NAV1: variants seen among roughly 807,000 people sequenced by gnomAD.
The protein encoded by NAV1 is neuron navigator 1, also known as pore membrane and/or filament interacting like protein 3.
Under a neutral mutation model 175.2 loss-of-function variants are expected in NAV1, and 18 were observed. The ratio of observed to expected loss-of-function variants is 0.10; its 90% CI spans 0.07 to 0.15. NAV1 has a LOEUF of 0.15. NAV1 is among the 10% of genes least tolerant of loss of function. The pLI, the probability that NAV1 is intolerant of heterozygous loss-of-function variation, is 1.00. For missense variants in NAV1, 1,731 were observed against 2,436.6 expected (o/e 0.71, Z 6.10); for synonymous variants, 897 against 978.7 (o/e 0.92, Z 1.56).
chr1:201,632,332 T>C (rs1668500614), intron 2 of NAV1, among the ~76,000 whole-genome samples: 1 of 152,266 alleles, frequency 6.6e-6, no homozygotes, highest in East Asian at 1.9e-4. Context: ...CTGCTCCTTC[T>C]GCCTCTGCCC....
chr1:201,602,739 T>C (rs1667561066), intron 2 of NAV1, among the ~76,000 whole-genome samples: 1 of 151,184 alleles, frequency 6.6e-6, no homozygotes, highest in Admixed American at 6.6e-5. Flanking sequence ...CTGCACCCCT[T>C]GAGAGCTGCT....
At chr1:201,720,911 G>C (rs1439803084) in intron 3 of NAV1, among the ~76,000 whole-genome samples, 2 of 152,082 alleles carry the variant, frequency 1.3e-5, no homozygotes, top group Non-Finnish European at 2.9e-5. Flanking sequence ...AGCAAAGACA[G>C]ATCTAGTAGC....
In NAV1 at chr1:201,807,328, T is replaced by G. The variant is rs970360107; in HGVS notation, c.3649-625T>G. 6.6e-6 allele frequency among the ~76,000 whole-genome samples: 1 copy of G among 152,198 alleles called. No homozygotes were observed. The highest frequency in any genetic ancestry group is 2.4e-5 in the African/African-American group (1 of 41,454). ...GGCACAAGAAATACTAAAAGAAGCT[T>G]GAGCCCACTGCCTTCTCGTGTTCTC... On this transcript the variant is annotated intron_variant, in intron 17 of 29. Transcript: ENST00000367296. This position sits in a 1 kb window ranked among gnomAD's most constrained non-coding sequence, Gnocchi z 5.4.
At chr1:201,603,339 G>A (rs946197154) in intron 2 of NAV1, among the ~76,000 whole-genome samples, 4 of 152,150 alleles carry the variant, frequency 2.6e-5, no homozygotes, top group African/African-American at 9.7e-5. Flanking sequence ...TGACTCTCAT[G>A]TTCTGAAAGG....
chr1:201,664,369 T>C (rs903440030), intron 1 of NAV1, among the ~76,000 whole-genome samples: 17 of 152,134 alleles, frequency 1.1e-4, no homozygotes, highest in African/African-American at 3.9e-4. Flanking sequence ...AATCAAATCC[T>C]GGCTCTATAT....
exon 2 of NAV1, chr1:201,712,886 T>C: frequency 1.2e-6 from 2 of 1,613,912 alleles, no homozygotes; most frequent in Non-Finnish European, 1.7e-6. Context: ...GAAGAGACCA[T>C]GTCCAGCCTG....
chr1:201,707,279 A>G (rs1241062063), intron 1 of NAV1, among the ~76,000 whole-genome samples: 1 of 152,198 alleles, frequency 6.6e-6, no homozygotes, highest in Non-Finnish European at 1.5e-5. Context: ...CCTCAGTGCC[A>G]GCCCGAGGGT....
chr1:201,543,157 A>G (rs1052030902), intron 1 of NAV1, among the ~76,000 whole-genome samples: 3 of 152,184 alleles, frequency 2.0e-5, no homozygotes, highest in African/African-American at 7.2e-5. Context: ...AACTTTCAGT[A>G]TAATGTTGAG....
At chr1:201,733,193 AC>A (rs1672943181) in intron 3 of NAV1, among the ~76,000 whole-genome samples, 1 of 152,002 alleles carries the variant, frequency 6.6e-6, no homozygotes, top group African/African-American at 2.4e-5. Context: ...ATCCTGGCCA[AC>A]ATGGTGAAAC....
At chr1:201,695,124 C>A (rs371761445) in intron 1 of NAV1, among the ~76,000 whole-genome samples, 26 of 152,252 alleles carry the variant, frequency 1.7e-4, no homozygotes, top group Non-Finnish European at 3.4e-4. Flanking sequence ...TAAGTTGCCC[C>A]GGGACCAGCC....
At chr1:201,576,417 AT>A (rs2102183598) in intron 1 of NAV1, among the ~76,000 whole-genome samples, 1 of 152,280 alleles carries the variant, frequency 6.6e-6, no homozygotes, top group African/African-American at 2.4e-5. Context: ...ATTGAAAGAC[AT>A]GGGTTGTCTC....
Position 201,808,739 on chromosome 1 carries a change from C to T in NAV1, c.4075C>T (p.Leu1359=). The change falls in exon 20 of 30, where the codon CTG becomes TTG. Residue 1359 remains leucine, a synonymous_variant. Transcript: ENST00000367296. The surrounding 1 kb of genome is among the most constrained non-coding windows in gnomAD (Gnocchi z 5.5). ...CCTGCTGAAAGCAGAGAATGACCGA[C>T]TGAAGGTAGCCCCAGGCCCCTCATC... The T allele has an allele frequency of 1.2e-6, 2 of 1,614,240 alleles. No homozygotes were observed. The highest frequency in any genetic ancestry group is 1.7e-6 in the Non-Finnish European group (2 of 1,180,048).
rs1387313707 is a variant in NAV1, at chr1:201,813,036, T to C, written c.5222-104T>C. ...GACAACTCTAAATTTCCTTTAATCC[T>C]TTGACTGTCAGACCCCTCTGCCTGG... On this transcript the variant is annotated intron_variant, in intron 27 of 29. Transcript: ENST00000367296. This position sits in a 1 kb window ranked among gnomAD's most constrained non-coding sequence, Gnocchi z 4.2. 6 of 818,084 alleles carry C rather than the reference T, an allele frequency of 7.3e-6. No individual in the cohort carries two copies. Among genetic ancestry groups the C allele is most frequent in the Non-Finnish European group, 1.2e-5 (6 of 501,500 alleles). 50.7% of individuals were successfully genotyped at this position (818,084 alleles called of 1,614,324 possible). A position where few individuals can be genotyped will look rare whatever the true frequency, so the allele number is the denominator to read the frequency against.
chr1:201,659,476 T>TG (rs1197824344), intron 1 of NAV1, among the ~76,000 whole-genome samples: 1 of 152,118 alleles, frequency 6.6e-6, no homozygotes, highest in East Asian at 1.9e-4. Context: ...AAAAATTATC[T>TG]GGGCATGGTG....
intron 2 of NAV1, among the ~76,000 whole-genome samples, chr1:201,610,381 T>TTC (rs955680189): frequency 1.3e-4 from 20 of 152,306 alleles, no homozygotes; most frequent in African/African-American, 4.6e-4. Flanking sequence ...CAAAATTCAC[T>TTC]TCTCTCTCAG....
At chr1:201,703,160 G>A (rs1420563817) in intron 1 of NAV1, among the ~76,000 whole-genome samples, 1 of 152,160 alleles carries the variant, frequency 6.6e-6, no homozygotes, top group Non-Finnish European at 1.5e-5. Context: ...CAGCAGCAGT[G>A]ACTTCTTTGG....
chr1:201,603,244 G>A (rs947983363), intron 2 of NAV1, among the ~76,000 whole-genome samples: 2 of 152,134 alleles, frequency 1.3e-5, no homozygotes, highest in Non-Finnish European at 2.9e-5. Context: ...TTTCCTGGGA[G>A]GCATCCAGTA....
intron 3 of NAV1, among the ~76,000 whole-genome samples, chr1:201,762,203 T>C (rs1674906969): frequency 6.6e-6 from 1 of 152,168 alleles, no homozygotes; most frequent in Non-Finnish European, 1.5e-5. Flanking sequence ...GAATCAGTAG[T>C]AGAAAAATCT....
rs74990725 is a variant in NAV1 at position 201,682,386 on chromosome 1, C to T, written c.758-30431C>T. ...TTCTTTTGAACCTTTGTGACAATGCCTCTGATGGCATTCACTGGCTGAAAC... is the reference window on the plus strand; with the variant it reads ...TTCTTTTGAACCTTTGTGACAATGCTTCTGATGGCATTCACTGGCTGAAAC... On this transcript the variant is annotated intron_variant, in intron 1 of 29. Transcript: ENST00000367296. 5.3e-3 allele frequency among the ~76,000 whole-genome samples: 805 copies of T among 152,228 alleles called. 9 individuals are homozygous for T. Among genetic ancestry groups the T allele is most frequent in the African/African-American group, 0.018 (740 of 41,542 alleles).
Sources: allele counts gnomAD v4.1 joint callset (sites outside exome capture counted in the v4.1 genomes callset), GRCh38; gene constraint gnomAD v4.1.1; non-coding constraint Gnocchi (gnomAD v3.1); transcripts MANE v1.5; gene names NCBI Gene and HGNC (gene_info 2026-07-23, HGNC 2026-07-21).